The following FREM3 variants were observed in gnomAD, a reference collection of about 807,000 sequenced individuals.
FREM3 encodes FRAS1 related extracellular matrix 3, also known as FRAS1-related extracellular matrix protein 3.
Under a neutral mutation model 129.1 loss-of-function variants are expected in FREM3, and 105 were observed. The observed-to-expected ratio is 0.81, with a 90% confidence interval of 0.69 to 0.96. The LOEUF (loss-of-function observed/expected upper bound fraction) is 0.96, where lower values mean the gene tolerates loss of function less well. Among genes scored for constraint, FREM3 ranks in the 40% least tolerant of loss-of-function variants. FREM3 has a pLI of 0.00. For missense variants in FREM3, 2,593 were observed against 2,666.3 expected, an observed-to-expected ratio of 0.97 and a Z score of 0.61; for synonymous variants, 1,014 against 1,044.9, an observed-to-expected ratio of 0.97 and a Z score of 0.57.
chr4:143,606,805 G>A (rs1467768747), intron 6 of FREM3, among the ~76,000 whole-genome samples: 1 of 151,642 alleles, frequency 6.6e-6, no homozygotes, highest in South Asian at 2.1e-4. Flanking sequence ...TTTTTTTTAT[G>A]TATTTCTTGT....
chr4:143,641,340 G>A (rs1167674753), intron 2 of FREM3, among the ~76,000 whole-genome samples: 1 of 152,092 alleles, frequency 6.6e-6, no homozygotes, highest in Non-Finnish European at 1.5e-5. Flanking sequence ...GCCTTGTAGA[G>A]GCATAAAAAT....
intron 6 of FREM3, among the ~76,000 whole-genome samples, chr4:143,594,166 T>C (rs1738420991): frequency 6.6e-6 from 1 of 152,230 alleles, no homozygotes; most frequent in Non-Finnish European, 1.5e-5. Context: ...CCCTGATCTC[T>C]TGTGCTTCCC....
In FREM3 at chr4:143,697,845, C is replaced by G; in HGVS notation, c.2831G>C (p.Arg944Thr). 1 of 1,537,654 alleles carries G rather than the reference C, an allele frequency of 6.5e-7. No individual in the cohort carries two copies. The highest frequency in any genetic ancestry group is 1.4e-5 in the African/African-American group (1 of 73,124). The change falls in exon 1 of 8, where the codon AGG (arginine) becomes ACG (threonine). Residue 944 changes from arginine (R) to threonine (T), a missense_variant. Arg to Thr is a moderately conservative substitution (Grantham distance 71). This residue lies in a region of FREM3 where 2,276 missense variants were observed against 2,267.2 expected (regional missense o/e 1.00). Transcript: ENST00000329798. ...VHPNVANRSP[R>T]ISLRSSSLLD... The stretch of plus-strand genomic sequence containing the variant: ...TAATGAACTACTTCTGAGAGAGATC[C>G]TAGGACTTCTGTTAGCCACATTGGG...
rs1740549946 is a variant in FREM3, at chr4:143,695,585, G to C, written c.5091C>G (p.His1697Gln). ...SLKAEDQDSPHRLLKYKVTRG... is the reference protein window; with the variant it reads ...SLKAEDQDSPQRLLKYKVTRG... ...TGGTCACTTTATACTTCAGAAGCCT[G>C]TGGGGACTGTCCTGATCTTCTGCCT... The change falls in exon 1 of 8, where the codon CAC becomes CAG. Residue 1697 changes from histidine to glutamine, a missense_variant. Physicochemically the swap from His to Gln is conservative, Grantham distance 24 (BLOSUM62 0). Around this residue, in one of 2 missense-constraint regions of FREM3, gnomAD observed 2,276 missense variants for 2,267.2 expected, o/e 1.00. Coordinates refer to ENST00000329798, the MANE Select transcript of FREM3 (RefSeq NM_001168235.2). 6.5e-7 allele frequency: 1 copy of C among 1,537,360 alleles called. No individual in the cohort carries two copies. Among genetic ancestry groups the C allele is most frequent in the East Asian group, 2.4e-5 (1 of 40,918 alleles).
In FREM3 at chr4:143,700,542, T is replaced by A. The variant is rs1222385642; in HGVS notation, c.134A>T (p.Tyr45Phe). The part of the protein sequence containing the change: ...SLGTEPDPAL[Y>F]LPARGALDGT... ...GTCAAGCGCACCCCGGGCGGGCAGG[T>A]AAAGCGCCGGGTCGGGCTCGGTCCC... Residue 45 changes from tyrosine (Y) to phenylalanine (F), a missense_variant, in exon 1 of 8, where the codon TAC becomes TTC. By Grantham distance (22) the Tyr-to-Phe change is conservative. Coordinates refer to ENST00000329798, the MANE Select transcript of FREM3 (RefSeq NM_001168235.2). 8.6e-6 allele frequency: 13 copies of A among 1,519,258 alleles called. No homozygotes were observed. The highest frequency in any genetic ancestry group is 1.1e-5 in the Non-Finnish European group (13 of 1,136,940). 94.1% of individuals were successfully genotyped at this position (1,519,258 alleles called of 1,614,324 possible).
chr4:143,693,169 A>G lies in FREM3; in HGVS notation c.5219T>C (p.Leu1740Ser), dbSNP rs866200506. The G allele has an allele frequency of 6.6e-7, 1 of 1,519,362 alleles. No individual in the cohort carries two copies. The highest frequency in any genetic ancestry group is 8.8e-7 in the Non-Finnish European group (1 of 1,136,836). 94.1% of individuals were successfully genotyped at this position (1,519,362 alleles called of 1,614,324 possible). A position where few individuals can be genotyped will look rare whatever the true frequency, so the allele number is the denominator to read the frequency against. The change falls in exon 2 of 8, where the codon TTG becomes TCG. Residue 1740 changes from leucine to serine, a missense_variant. Leu to Ser is a moderately radical substitution (Grantham distance 145). This residue lies in a region of FREM3 where 2,276 missense variants were observed against 2,267.2 expected (regional missense o/e 1.00). Coordinates refer to ENST00000329798, the MANE Select transcript of FREM3 (RefSeq NM_001168235.2). ...DIDEMKISYV[L>S]NEGSNASKDI... ...CTTTGATGCGTTGCTGCCCTCATTC[A>G]AGACATAGGATATCTTCATCTCATC...
chr4:143,591,304 C>G, intron 6 of FREM3, among the ~76,000 whole-genome samples: 1 of 152,160 alleles, frequency 6.6e-6, no homozygotes, highest in Non-Finnish European at 1.5e-5. Context: ...TTTGCTCTTG[C>G]TTCTCTAGTT....
At chr4:143,611,891 T>C (rs933967040) in intron 5 of FREM3, among the ~76,000 whole-genome samples, 2 of 151,992 alleles carry the variant, frequency 1.3e-5, no homozygotes, top group East Asian at 1.9e-4. Context: ...AGCATGAAAA[T>C]AGTATCGATT....
At chr4:143,640,081 G>T (rs1159030971) in intron 2 of FREM3, among the ~76,000 whole-genome samples, 1 of 152,164 alleles carries the variant, frequency 6.6e-6, no homozygotes, top group Admixed American at 6.5e-5. Context: ...GGCCCTGTTT[G>T]AATGTTGCTT....
chr4:143,635,502 T>C (rs1739217793), intron 2 of FREM3, among the ~76,000 whole-genome samples: 2 of 152,174 alleles, frequency 1.3e-5, no homozygotes, highest in African/African-American at 4.8e-5. Flanking sequence ...CTTTACCTCC[T>C]AGATACCAAC....
In FREM3 at chr4:143,671,701, A is replaced by G. The variant is rs149382359; in HGVS notation, c.5275+21412T>C. 3.1e-3 allele frequency among the ~76,000 whole-genome samples: 465 copies of G among 152,318 alleles called. 2 individuals are homozygous for G. Among genetic ancestry groups the G allele is most frequent in the African/African-American group, 0.011 (447 of 41,572 alleles). ...GAACTGAAATAATCATCTGGAAATC[A>G]TCCCACTTTTGACTCAATATCTAAA... is the stretch of plus-strand genomic sequence containing the variant. On this transcript the variant is annotated intron_variant, in intron 2 of 7. Transcript: ENST00000329798.
chr4:143,696,370 A>G lies in FREM3; in HGVS notation c.4306T>C (p.Leu1436=), dbSNP rs1465459725. The G allele has an allele frequency of 6.5e-7, 1 of 1,537,424 alleles. No homozygotes were observed. The highest frequency in any genetic ancestry group is 8.7e-7 in the Non-Finnish European group (1 of 1,146,972). Residue 1436 remains leucine, a synonymous_variant, in exon 1 of 8, where the codon TTG becomes CTG. Coordinates refer to ENST00000329798, the MANE Select transcript of FREM3 (RefSeq NM_001168235.2). ...AGGGTCACTCTGGCACCTTCTATCA[A>G]GGTGATCCTTTTGCTGATTACCTCA... ...FPEVISKRIT[L]IEGARVTLTN...
intron 2 of FREM3, among the ~76,000 whole-genome samples, chr4:143,689,091 C>A (rs1740419900): frequency 2.0e-5 from 3 of 152,128 alleles, no homozygotes; most frequent in African/African-American, 4.8e-5. Context: ...AAACAGACAA[C>A]CCACAGAGTG....
At chr4:143,683,658 TC>T (rs1041918630) in intron 2 of FREM3, among the ~76,000 whole-genome samples, 3 of 152,162 alleles carry the variant, frequency 2.0e-5, no homozygotes, top group Non-Finnish European at 2.9e-5. Flanking sequence ...GTGAGAAGCC[TC>T]CTGGCCAGAA....
intron 2 of FREM3, among the ~76,000 whole-genome samples, chr4:143,632,539 C>A (rs1484485139): frequency 6.6e-6 from 1 of 152,146 alleles, no homozygotes; most frequent in Non-Finnish European, 1.5e-5. Flanking sequence ...TTATTCCTAT[C>A]AATCAGTACC....
chr4:143,577,576 C>T lies in FREM3; in HGVS notation c.*35G>A, dbSNP rs1578816974. The T allele has an allele frequency of 6.6e-6, 10 of 1,520,082 alleles. No homozygotes were observed. The Middle Eastern group carries it at 5.1e-4, about 77-fold the overall frequency. 94.2% of individuals were successfully genotyped at this position (1,520,082 alleles called of 1,614,324 possible). ...AGAGTTTCATTCTGTTGTTAGGAGACATATCTTGGCTGTTTTTTTCCCTCT... is the reference window on the plus strand; with the variant it reads ...AGAGTTTCATTCTGTTGTTAGGAGATATATCTTGGCTGTTTTTTTCCCTCT... On this transcript the variant is annotated 3_prime_UTR_variant, in exon 8 of 8. Coordinates refer to ENST00000329798, the MANE Select transcript of FREM3 (RefSeq NM_001168235.2).
At chr4:143,644,334 A>G (rs1739376988) in intron 2 of FREM3, among the ~76,000 whole-genome samples, 1 of 151,914 alleles carries the variant, frequency 6.6e-6, no homozygotes, top group Non-Finnish European at 1.5e-5. Context: ...AGCTCTTTCC[A>G]TTTTCCGTAA....
At chr4:143,626,922 C>T (rs1739046891) in intron 3 of FREM3, among the ~76,000 whole-genome samples, 1 of 152,168 alleles carries the variant, frequency 6.6e-6, no homozygotes, top group African/African-American at 2.4e-5. Flanking sequence ...ATAACCCTAT[C>T]TGTCTTCTTA....
Position 143,696,449 on chromosome 4 carries a change from A to C in FREM3, c.4227T>G (p.Thr1409=). 6.5e-7 allele frequency: 1 copy of C among 1,537,720 alleles called. No homozygotes were observed. The highest frequency in any genetic ancestry group is 8.7e-7 in the Non-Finnish European group (1 of 1,147,016). The stretch of plus-strand genomic sequence containing the variant: ...TGACATAGAAGTAGTGGTCTGTCAA[A>C]GTGTTAACCCCATCAGTAACATCAA... The part of the protein sequence containing the change: ...IKFDVTDGVN[T]LTDHYFYVTI... The change falls in exon 1 of 8, where the codon ACT becomes ACG. Residue 1409 remains threonine, a synonymous_variant. Coordinates refer to ENST00000329798, the MANE Select transcript of FREM3 (RefSeq NM_001168235.2).
Sources: gnomAD v4.1 joint callset for allele counts (sites outside exome capture counted in the v4.1 genomes callset) on GRCh38, gnomAD v4.1.1 for gene constraint, gnomAD v4.1.1 regional missense constraint, MANE v1.5 for transcripts, NCBI Gene and HGNC (gene_info 2026-07-23, HGNC 2026-07-21) for gene names.